Variants in SCN1A observed in about 807,000 individuals in gnomAD.
The protein encoded by SCN1A is sodium voltage-gated channel alpha subunit 1, also known as sodium channel protein type 1 subunit alpha.
SCN1A carries 13 observed loss-of-function variants against 193.7 expected under a neutral mutation model. The observed-to-expected ratio is 0.07, with a 90% CI of 0.04 to 0.11. The LOEUF is 0.11. Ranked by LOEUF, SCN1A falls within the 10% of genes least tolerant of loss-of-function variation. The pLI is 1.00. For missense variants in SCN1A, 1,432 were observed against 2,451.1 expected (o/e 0.58, Z 8.78); for synonymous variants, 781 against 843.6 (o/e 0.93, Z 1.29).
intron 2 of SCN1A, among the ~76,000 whole-genome samples, chr2:166,117,814 TTAGCTGGGTGTGG>T (rs1451801756): frequency 1.3e-5 from 2 of 151,682 alleles, no homozygotes; most frequent in East Asian, 3.9e-4. Context: ...CATAGAAAAA[TTAGCTGGGTGTGG>T]TAGTGTGCGC....
intron 26 of SCN1A, among the ~76,000 whole-genome samples, chr2:165,997,247 T>C (rs1690204473): frequency 6.6e-6 from 1 of 151,300 alleles, no homozygotes; most frequent in South Asian, 2.1e-4. Flanking sequence ...TACTGGGGAA[T>C]GAATAAGTAA....
chr2:166,083,035 A>G (rs1200263770), intron 2 of SCN1A, among the ~76,000 whole-genome samples: 1 of 152,116 alleles, frequency 6.6e-6, no homozygotes. Flanking sequence ...TACTGCCAAT[A>G]ATAATAAAAA....
chr2:166,012,087 C>A, intron 22 of SCN1A, 22 bp downstream of exon 22: 1 of 1,607,214 alleles, frequency 6.2e-7, no homozygotes, highest in Non-Finnish European at 8.5e-7. Context: ...TGAACAGAGA[C>A]AAAAATATGA....
intron 2 of SCN1A, among the ~76,000 whole-genome samples, chr2:166,091,273 A>G (rs1017830631): frequency 1.3e-5 from 2 of 152,094 alleles, no homozygotes; most frequent in Non-Finnish European, 2.9e-5. Context: ...TTTTTTGAAA[A>G]CTCACATAAC....
At position 166,052,948 on chromosome 2, in the gene SCN1A, A is replaced by G. The variant is rs745938690; in HGVS notation, c.603-5T>C. On this transcript the variant is annotated splice_polypyrimidine_tract_variant and splice_region_variant and intron_variant, in intron 7 of 28. Coordinates refer to ENST00000674923, the MANE Select transcript of SCN1A (RefSeq NM_001165963.4). ...TCCACAAACTCTGTGACGTACCTGTAATAGGGAGTTCACACACAAACACAA... is the reference window on the plus strand; with the variant it reads ...TCCACAAACTCTGTGACGTACCTGTGATAGGGAGTTCACACACAAACACAA... The G allele has an allele frequency of 6.2e-7, 1 of 1,609,294 alleles. No homozygotes were observed. Among genetic ancestry groups the G allele is most frequent in the Admixed American group, 1.7e-5 (1 of 59,724 alleles).
At position 165,985,831 on chromosome 2, in the gene SCN1A, C is replaced by T. The variant is rs1231215132; in HGVS notation, c.*5414G>A. On this transcript the variant is annotated 3_prime_UTR_variant, in exon 29 of 29. Coordinates refer to ENST00000674923, the MANE Select transcript of SCN1A (RefSeq NM_001165963.4). ...TACCCAATTCATGGTGGTTTAGAAA[C>T]ACATTTATTTTCTTATATAATAAGA... The T allele has an allele frequency of 6.6e-6, 1 of 152,090 alleles. No homozygotes were observed. 9.4% of individuals were successfully genotyped at this position (152,090 alleles called of 1,614,324 possible).
chr2:166,014,225 C>T (rs1434866970), intron 20 of SCN1A, among the ~76,000 whole-genome samples: 2 of 151,592 alleles, frequency 1.3e-5, no homozygotes, highest in African/African-American at 4.8e-5. Context: ...GAAGTCACTC[C>T]AGAAAAGAAC....
At chr2:166,045,469 T>C (rs1697709704) in intron 12 of SCN1A, 142 bp from the exon 13 acceptor site, 18 of 923,264 alleles carry the variant, frequency 1.9e-5, no homozygotes, top group African/African-American at 2.5e-5. Flanking sequence ...TCTGCAAGTA[T>C]AAGAGGAGAT....
At chr2:166,052,602 C>G (rs1004063380) in intron 8 of SCN1A, among the ~76,000 whole-genome samples, 4 of 93,260 alleles carry the variant, frequency 4.3e-5, no homozygotes, top group Non-Finnish European at 6.8e-5. Context: ...CTCGATAAAA[C>G]TAACATGGTG....
At chr2:166,110,792 G>A (rs1407386655) in intron 2 of SCN1A, among the ~76,000 whole-genome samples, 8 of 152,118 alleles carry the variant, frequency 5.3e-5, no homozygotes, top group Admixed American at 5.2e-4. Flanking sequence ...TGTCATGGGA[G>A]GAACCCAGTG....
intron 2 of SCN1A, among the ~76,000 whole-genome samples, chr2:166,086,647 G>A (rs1174561334): frequency 6.6e-6 from 1 of 152,126 alleles, no homozygotes; most frequent in Non-Finnish European, 1.5e-5. Flanking sequence ...AGGTCACTCT[G>A]CAGGCTGCAG....
chr2:166,005,787 A>G (rs928945481), intron 23 of SCN1A, among the ~76,000 whole-genome samples: 7 of 151,396 alleles, frequency 4.6e-5, no homozygotes, highest in African/African-American at 1.5e-4. Flanking sequence ...GAAAGTAGGC[A>G]GAATTAGTCT....
intron 1 of SCN1A, among the ~76,000 whole-genome samples, chr2:166,143,222 G>A (rs12053364): frequency 0.041 from 5,908 of 144,898 alleles, 687 homozygotes; most frequent in Admixed American, 0.25. Context: ...GCTGGAGTGC[G>A]GTGGCAGGAT....
intron 19 of SCN1A, among the ~76,000 whole-genome samples, chr2:166,032,369 G>A (rs893722472): frequency 2.6e-5 from 4 of 152,000 alleles, no homozygotes; most frequent in African/African-American, 7.2e-5. Context: ...GAACCAAAAT[G>A]ATGAGATTAA....
intron 16 of SCN1A, 30 bp from the exon 17 acceptor site, chr2:166,039,626 C>T (rs1696895894): frequency 1.9e-6 from 3 of 1,584,144 alleles, no homozygotes; most frequent in Non-Finnish European, 2.6e-6. Flanking sequence ...AATCTAATTC[C>T]ACCAGATAAT....
At chr2:166,105,430 G>T (rs1047529936) in intron 2 of SCN1A, among the ~76,000 whole-genome samples, 1 of 152,226 alleles carries the variant, frequency 6.6e-6, no homozygotes, top group Non-Finnish European at 1.5e-5. Context: ...TACATATGTA[G>T]TTATGCTTCA....
intron 1 of SCN1A, among the ~76,000 whole-genome samples, chr2:166,142,922 C>T (rs528317576): frequency 3.9e-5 from 6 of 152,258 alleles, no homozygotes; most frequent in Admixed American, 2.6e-4. Context: ...CCATGTAAGG[C>T]GTGTCTTTTC....
intron 2 of SCN1A, among the ~76,000 whole-genome samples, chr2:166,122,456 G>A (rs1403569383): frequency 6.6e-6 from 1 of 152,074 alleles, no homozygotes; most frequent in Admixed American, 6.6e-5. Flanking sequence ...TAATAGTTAA[G>A]GGTATATGGA....
In SCN1A at chr2:165,988,172, T is replaced by C. The variant is rs1429266062; in HGVS notation, c.*3073A>G. 1 of 152,140 alleles carries C rather than the reference T, an allele frequency of 6.6e-6. No individual in the cohort carries two copies. Among genetic ancestry groups the C allele is most frequent in the Non-Finnish European group, 1.5e-5 (1 of 68,020 alleles). 9.4% of individuals were successfully genotyped at this position (152,140 alleles called of 1,614,324 possible). On this transcript the variant is annotated 3_prime_UTR_variant, in exon 29 of 29. Coordinates refer to ENST00000674923, the MANE Select transcript of SCN1A (RefSeq NM_001165963.4). ...GACCACCCGAGTAACCTTTCCATGA[T>C]ATCTGTGAATTCTGCACTGGACTTC...
Sources: gnomAD v4.1 joint callset for allele counts (sites outside exome capture counted in the v4.1 genomes callset) on GRCh38, gnomAD v4.1.1 for gene constraint, MANE v1.5 for transcripts, NCBI Gene and HGNC (gene_info 2026-07-23, HGNC 2026-07-21) for gene names.